Variants in SHISA6 observed in about 807,000 individuals in gnomAD.
SHISA6 encodes protein shisa-6.
Under a neutral mutation model 47.9 loss-of-function variants are expected in SHISA6, and 22 were observed. The ratio of observed to expected loss-of-function variants is 0.46; its 90% CI spans 0.33 to 0.66. SHISA6 has a LOEUF of 0.66. Ranked by LOEUF, SHISA6 falls within the 30% of genes least tolerant of loss-of-function variation. SHISA6 has a pLI of 0.02. For synonymous variants in SHISA6, 388 were observed against 337.8 expected (o/e 1.15, Z -1.63); for missense variants, 680 against 764.6 (o/e 0.89, Z 1.30).
chr17:11,515,249 AAAAAAAAAAG>A (rs1208432958), intron 3 of SHISA6, among the ~76,000 whole-genome samples: 3 of 149,358 alleles, frequency 2.0e-5, no homozygotes, highest in African/African-American at 7.6e-5. Context: ...TCTCAAAAAA[AAAAAAAAAAG>A]AAAAAAGAAA....
intron 2 of SHISA6, among the ~76,000 whole-genome samples, chr17:11,275,172 A>G (rs1164899660): frequency 6.6e-6 from 1 of 151,520 alleles, no homozygotes; most frequent in African/African-American, 2.4e-5. Context: ...TTCATTAAAC[A>G]TATGGACTGT....
chr17:11,472,193 CT>C (rs1306629134), intron 3 of SHISA6, among the ~76,000 whole-genome samples: 2 of 152,094 alleles, frequency 1.3e-5, no homozygotes, highest in African/African-American at 4.8e-5. Flanking sequence ...AGTATGCAGT[CT>C]TTTCAGATTG....
chr17:11,404,426 A>G (rs1390638863), intron 3 of SHISA6, among the ~76,000 whole-genome samples: 1 of 152,132 alleles, frequency 6.6e-6, no homozygotes, highest in African/African-American at 2.4e-5. Context: ...TCTAGACACC[A>G]AATTGTTCCC....
intron 3 of SHISA6, among the ~76,000 whole-genome samples, chr17:11,469,846 C>T (rs139086394): frequency 1.0e-3 from 159 of 152,294 alleles, no homozygotes; most frequent in Admixed American, 2.4e-3. Flanking sequence ...CCTTACTTTG[C>T]GTCCCCAGAA....
chr17:11,265,739 T>C lies in SHISA6; in HGVS notation c.799+2213T>C, dbSNP rs539210029. 1.1e-4 allele frequency among the ~76,000 whole-genome samples: 17 copies of C among 152,290 alleles called. No homozygotes were observed. In the South Asian group the frequency reaches 3.3e-3, roughly 30 times the overall value. ...CCCCTCTCTCTGTTCGGGTTTTCTT[T>C]GTCTCATTCTCAAGCGAGCTGGTTC... On this transcript the variant is annotated intron_variant, in intron 2 of 5. Coordinates refer to ENST00000441885, the MANE Select transcript of SHISA6 (RefSeq NM_207386.4).
chr17:11,512,305 G>A (rs745906893), intron 3 of SHISA6, among the ~76,000 whole-genome samples: 112 of 152,306 alleles, frequency 7.4e-4, no homozygotes, highest in Non-Finnish European at 4.6e-4. Context: ...CTCACCTCCT[G>A]TGGTTCCTTT....
At chr17:11,406,526 C>T (rs7207211) in intron 3 of SHISA6, among the ~76,000 whole-genome samples, 73,636 of 151,588 alleles carry the variant, frequency 0.49, 18,375 homozygotes, top group Middle Eastern at 0.54. Context: ...CTCCTCTTTG[C>T]TCCGTGGAAA....
At chr17:11,396,285 T>C (rs1383703275) in intron 3 of SHISA6, among the ~76,000 whole-genome samples, 2 of 152,242 alleles carry the variant, frequency 1.3e-5, no homozygotes, top group African/African-American at 4.8e-5. Flanking sequence ...TTGCTAATAT[T>C]TCATTTAGCA....
intron 3 of SHISA6, among the ~76,000 whole-genome samples, chr17:11,551,342 G>C (rs1269579571): frequency 1.3e-5 from 2 of 152,062 alleles, no homozygotes; most frequent in African/African-American, 4.8e-5. Context: ...GCAGGACAGA[G>C]CCTAGAATCC....
chr17:11,397,487 G>C (rs1244106113), intron 3 of SHISA6, among the ~76,000 whole-genome samples: 1 of 150,780 alleles, frequency 6.6e-6, no homozygotes, highest in East Asian at 1.9e-4. Context: ...CTCTTGGCTG[G>C]AGTTTATCTT....
chr17:11,560,473 G>A lies in SHISA6; in HGVS notation c.*2169G>A, dbSNP rs1275550514. 3 of 152,386 alleles carry A rather than the reference G, an allele frequency of 2.0e-5. No individual in the cohort carries two copies. Among genetic ancestry groups the A allele is most frequent in the African/African-American group, 7.2e-5 (3 of 41,444 alleles). 9.4% of individuals were successfully genotyped at this position (152,386 alleles called of 1,614,324 possible). A position where few individuals can be genotyped will look rare whatever the true frequency, so the allele number is the denominator to read the frequency against. On this transcript the variant is annotated 3_prime_UTR_variant, in exon 6 of 6. Coordinates refer to ENST00000441885, the MANE Select transcript of SHISA6 (RefSeq NM_207386.4). Reference sequence around the variant, plus strand: ...GAAGAAGTGAGTCTGAATAGAGCAGGTGGCTCCCAGCTGGGCCCCTGAGCC... The same window carrying A: ...GAAGAAGTGAGTCTGAATAGAGCAGATGGCTCCCAGCTGGGCCCCTGAGCC...
In SHISA6 at chr17:11,310,705, T is replaced by A. The variant is rs146490919; in HGVS notation, c.799+47179T>A. Among the ~76,000 whole-genome samples, 147 of 152,290 alleles carry A rather than the reference T, an allele frequency of 9.7e-4. 2 individuals are homozygous for A. In the East Asian group the frequency reaches 0.027, roughly 28 times the overall value. On this transcript the variant is annotated intron_variant, in intron 2 of 5. Transcript: ENST00000441885. ...AAGATCACCTCTGGGCTGGGCGCGG[T>A]GGCTCATGCCTATAATCCCAGCACT...
rs139141049 is a variant in SHISA6 at position 11,489,000 on chromosome 17, A to G, written c.896-62896A>G. ...CTGTTTCTGAAGCTGTCTTTTCTCA[A>G]TTGGGGGTATGTCAACTCCTAGTTT... On this transcript the variant is annotated intron_variant, in intron 3 of 5. Coordinates refer to ENST00000441885, the MANE Select transcript of SHISA6 (RefSeq NM_207386.4). Among the ~76,000 whole-genome samples, 151 of 152,204 alleles carry G rather than the reference A, an allele frequency of 9.9e-4. 2 individuals are homozygous for G. The East Asian group carries it at 0.028, about 28-fold the overall frequency.
At chr17:11,286,481 C>T (rs1009943978) in intron 2 of SHISA6, among the ~76,000 whole-genome samples, 4 of 152,144 alleles carry the variant, frequency 2.6e-5, no homozygotes, top group African/African-American at 9.7e-5. Context: ...TCCCTTTCTC[C>T]TGTAGTTCTT....
chr17:11,326,268 C>CAA (rs35905275), intron 2 of SHISA6, among the ~76,000 whole-genome samples: 29 of 109,250 alleles, frequency 2.7e-4, no homozygotes, highest in African/African-American at 7.8e-4. Flanking sequence ...GAGACTCCAT[C>CAA]AAAAAAAAAA....
At chr17:11,373,752 G>A (rs965095559) in intron 2 of SHISA6, among the ~76,000 whole-genome samples, 2 of 152,086 alleles carry the variant, frequency 1.3e-5, no homozygotes, top group African/African-American at 4.8e-5. Flanking sequence ...CATTTCATTT[G>A]TACTGTATAA....
At chr17:11,482,321 A>AT (rs1382648641) in intron 3 of SHISA6, among the ~76,000 whole-genome samples, 2 of 152,262 alleles carry the variant, frequency 1.3e-5, no homozygotes, top group African/African-American at 4.8e-5. Flanking sequence ...ACAAAGGAAC[A>AT]TAAGTTACAT....
chr17:11,271,444 T>A (rs895876056), intron 2 of SHISA6, among the ~76,000 whole-genome samples: 3 of 152,090 alleles, frequency 2.0e-5, no homozygotes, highest in Non-Finnish European at 4.4e-5. Flanking sequence ...TATTTATTTA[T>A]TTTTTATTTC....
intron 2 of SHISA6, among the ~76,000 whole-genome samples, chr17:11,273,208 G>A (rs1305081354): frequency 6.6e-6 from 1 of 152,218 alleles, no homozygotes; most frequent in Non-Finnish European, 1.5e-5. Flanking sequence ...AGGAGGGGGT[G>A]CTGACTGATC....
Sources: allele counts gnomAD v4.1 joint callset (sites outside exome capture counted in the v4.1 genomes callset), GRCh38; gene constraint gnomAD v4.1.1; transcripts MANE v1.5; gene names NCBI Gene and HGNC (gene_info 2026-07-23, HGNC 2026-07-21).